Variants in CCDC14 observed in about 807,000 individuals in gnomAD.
CCDC14 encodes coiled-coil domain-containing protein 14.
A neutral mutation model predicts 81.4 loss-of-function variants in CCDC14; 71 were observed. That is an observed-to-expected ratio of 0.87 (90% CI 0.72 to 1.06). The LOEUF (loss-of-function observed/expected upper bound fraction) is 1.06. CCDC14 is among the 50% of genes least tolerant of loss of function. The pLI, the probability that CCDC14 is intolerant of heterozygous loss-of-function variation, is 0.00. For synonymous variants in CCDC14, 332 were observed against 364.8 expected (o/e 0.91, Z 1.03); for missense variants, 1,046 against 1,047.3 (o/e 1.00, Z 0.02).
chr3:123,908,989 T>A (rs1346030403), downstream of CCDC14, among the ~76,000 whole-genome samples: 1 of 152,220 alleles, frequency 6.6e-6, no homozygotes, highest in Non-Finnish European at 1.5e-5. Flanking sequence ...TTTCTCTTAA[T>A]CCATTGAGGC....
chr3:123,960,540 G>A (rs1158205934), intron 1 of CCDC14, among the ~76,000 whole-genome samples: 3 of 152,156 alleles, frequency 2.0e-5, no homozygotes, highest in African/African-American at 4.8e-5. Context: ...AGGATATCGT[G>A]ACTATTAAAT....
At chr3:123,945,133 C>G in intron 8 of CCDC14, 143 bp from the exon 9 acceptor site, 1 of 471,594 alleles carries the variant, frequency 2.1e-6, no homozygotes, top group Non-Finnish European at 3.5e-6. Context: ...ATTTATTATA[C>G]AGGTTCCATT....
At chr3:123,901,350 A>G (rs1213291767) in intron 5 of CCDC14, among the ~76,000 whole-genome samples, 1 of 152,224 alleles carries the variant, frequency 6.6e-6, no homozygotes, top group African/African-American at 2.4e-5. Flanking sequence ...AGAATACAAA[A>G]TATATTTCTG....
chr3:123,933,509 C>CAAAA, intron 10 of CCDC14, 164 bp downstream of exon 10: 1 of 574,936 alleles, frequency 1.7e-6, no homozygotes, highest in Non-Finnish European at 3.1e-6. Flanking sequence ...AACAAACAAA[C>CAAAA]AAAAAAAGGT....
chr3:123,887,491 A>AAAAC, the CCDC14 span, among the ~76,000 whole-genome samples: 7 of 146,678 alleles, frequency 4.8e-5, no homozygotes, highest in South Asian at 4.4e-4. Flanking sequence ...AAAAAAAAAA[A>AAAAC]ACACAAAATA....
At position 123,914,798 on chromosome 3, in the gene CCDC14, G is replaced by A. The variant is rs764101249; in HGVS notation, c.2699C>T (p.Thr900Ile). ...NIARLQKSLR[T>I]GLLEK ...CTGAATTCATTTCTCCAGAAGACCA[G>A]TCCTTAAAGACTTCTGGAGTCTAGC... Residue 900 changes from threonine (T) to isoleucine (I), a missense_variant, in exon 13 of 13, where the codon ACT (threonine) becomes ATT (isoleucine). Thr to Ile is a moderately conservative substitution (Grantham distance 89). Transcript: ENST00000409697. The A allele has an allele frequency of 6.4e-7, 1 of 1,554,940 alleles. No homozygotes were observed. Among genetic ancestry groups the A allele is most frequent in the East Asian group, 2.4e-5 (1 of 42,098 alleles).
intron 12 of CCDC14, among the ~76,000 whole-genome samples, chr3:123,915,993 ACT>A (rs1261945061): frequency 6.1e-5 from 7 of 115,668 alleles, no homozygotes; most frequent in Admixed American, 1.2e-4. Context: ...GAGATGTTTT[ACT>A]CTTTTTTTTT....
At chr3:123,960,943 G>A (rs904780860) in intron 1 of CCDC14, among the ~76,000 whole-genome samples, 21 of 152,180 alleles carry the variant, frequency 1.4e-4, no homozygotes, top group Non-Finnish European at 2.5e-4. Context: ...GGGCTACGAC[G>A]ATTTAAACAG....
chr3:123,886,541 G>T, the CCDC14 span, among the ~76,000 whole-genome samples: 1 of 152,000 alleles, frequency 6.6e-6, no homozygotes, highest in Non-Finnish European at 1.5e-5. Context: ...GGGATTATAG[G>T]CACGTGCCAC....
rs1470041386 is a variant in CCDC14, at chr3:123,933,697, C to T, written c.1402G>A (p.Gly468Ser). ...REQQKTQKPS[G>S]AVDCNLELFS... ...CATTCAAGGTTGCAATCCACAGCAC[C>T]AGATGGTTTTTGAGTTTTCTGTTGT... The change falls in exon 10 of 13, where the codon GGT becomes AGT. Residue 468 changes from glycine (G) to serine (S), a missense_variant. Physicochemically the swap from Gly to Ser is moderately conservative, Grantham distance 56. Coordinates refer to ENST00000409697, the MANE Select transcript of CCDC14 (RefSeq NM_001366335.1). 2 of 1,574,722 alleles carry T rather than the reference C, an allele frequency of 1.3e-6. No individual in the cohort carries two copies.
At chr3:123,956,259 C>A in intron 3 of CCDC14, 96 bp downstream of exon 3, 1 of 1,235,528 alleles carries the variant, frequency 8.1e-7, no homozygotes, top group Non-Finnish European at 1.1e-6. Flanking sequence ...CTTCATACTT[C>A]CTTAGAGCAA....
chr3:123,889,655 G>T, the CCDC14 span, among the ~76,000 whole-genome samples: 1 of 152,344 alleles, frequency 6.6e-6, no homozygotes, highest in East Asian at 1.9e-4. Flanking sequence ...AGTGCCTGCA[G>T]CTTTTCCAGG....
rs113757647 is a variant in CCDC14, at chr3:123,960,280, G to A, written c.30+864C>T. Among the ~76,000 whole-genome samples, 392 of 152,290 alleles carry A rather than the reference G, an allele frequency of 2.6e-3. 2 individuals are homozygous for A. The highest frequency in any genetic ancestry group is 9.2e-3 in the African/African-American group (381 of 41,562). On this transcript the variant is annotated intron_variant, in intron 1 of 12. Coordinates refer to ENST00000409697, the MANE Select transcript of CCDC14 (RefSeq NM_001366335.1). ...TGTAGAATGACTTACAGTGTGCTAA[G>A]GTCTTTCATTTTCACTTAATCCATA...
rs1344580583 is a variant in CCDC14, at chr3:123,915,107, A to G, written c.2390T>C (p.Leu797Pro). The change falls in exon 13 of 13, where the codon CTT becomes CCT. Residue 797 changes from leucine to proline, a missense_variant. Leu to Pro is a moderately conservative substitution (Grantham distance 98). Coordinates refer to ENST00000409697, the MANE Select transcript of CCDC14 (RefSeq NM_001366335.1). The stretch of plus-strand genomic sequence containing the variant: ...GTCCTTCATATCAGATGCTCTGGAA[A>G]GTTTTTCAGGTGCATCTTCTGCTTC... ...TKEAEDAPEK[L>P]SRASDMKDTQ... is the part of the protein sequence containing the mutation. 4 of 1,613,942 alleles carry G rather than the reference A, an allele frequency of 2.5e-6. No individual in the cohort carries two copies. In the East Asian group the frequency reaches 6.7e-5, roughly 27 times the overall value.
Position 123,944,244 on chromosome 3 carries a change from A to C in CCDC14, c.1343+605T>G, listed in dbSNP as rs189455401. Among the ~76,000 whole-genome samples the C allele has an allele frequency of 2.4e-4, 37 of 152,266 alleles. 1 individual carries two copies. In the East Asian group the frequency reaches 7.2e-3, roughly 29 times the overall value. Reference sequence around the variant, plus strand: ...GATTGCTGTGGTGTGAGAGCAGAAGAAAAACAGTTTGCTTTTAACATAATG... The same window carrying C: ...GATTGCTGTGGTGTGAGAGCAGAAGCAAAACAGTTTGCTTTTAACATAATG... On this transcript the variant is annotated intron_variant, in intron 9 of 12. Coordinates refer to ENST00000409697, the MANE Select transcript of CCDC14 (RefSeq NM_001366335.1).
At chr3:123,922,604 C>A (rs938996914) in intron 12 of CCDC14, among the ~76,000 whole-genome samples, 2 of 151,920 alleles carry the variant, frequency 1.3e-5, no homozygotes, top group African/African-American at 4.8e-5. Context: ...AATTAGATAA[C>A]CCAGAAGAAA....
chr3:123,929,453 C>T (rs576621784), intron 12 of CCDC14, among the ~76,000 whole-genome samples: 23 of 152,080 alleles, frequency 1.5e-4, no homozygotes, highest in African/African-American at 5.5e-4. Context: ...CAGGCATGCA[C>T]GACCACGCAC....
At chr3:123,885,364 C>T in the CCDC14 span, among the ~76,000 whole-genome samples, 2 of 152,028 alleles carry the variant, frequency 1.3e-5, no homozygotes, top group Admixed American at 6.6e-5. Context: ...CAATGACAAC[C>T]CCCTTTCTCC....
intron 9 of CCDC14, among the ~76,000 whole-genome samples, chr3:123,937,583 G>A (rs957359225): frequency 6.6e-6 from 1 of 151,764 alleles, no homozygotes; most frequent in Non-Finnish European, 1.5e-5. Context: ...TCGGGTACAT[G>A]TTTTACAAAT....
Sources: allele counts gnomAD v4.1 joint callset (sites outside exome capture counted in the v4.1 genomes callset), GRCh38; gene constraint gnomAD v4.1.1; transcripts MANE v1.5; gene names NCBI Gene and HGNC (gene_info 2026-07-23, HGNC 2026-07-21).